Variants in ERBB4 observed in about 807,000 individuals in gnomAD.
ERBB4 encodes the protein receptor tyrosine-protein kinase erbB-4.
ERBB4 carries 42 observed loss-of-function variants against 158.0 expected under a neutral mutation model. That is an observed-to-expected ratio of 0.27 (90% CI 0.21 to 0.34). The LOEUF is 0.34. ERBB4 is among the 10% of genes least tolerant of loss of function. The pLI is 1.00. For missense variants in ERBB4, 1,333 were observed against 1,624.1 expected (o/e 0.82, Z 3.08); for synonymous variants, 583 against 558.7 (o/e 1.04, Z -0.61).
At chr2:212,252,033 T>C (rs1340266085) in intron 1 of ERBB4, among the ~76,000 whole-genome samples, 1 of 152,006 alleles carries the variant, frequency 6.6e-6, no homozygotes, top group East Asian at 1.9e-4. Flanking sequence ...GGTTGGATTC[T>C]AGATATATTT....
intron 1 of ERBB4, among the ~76,000 whole-genome samples, chr2:212,172,464 C>T (rs551040360): frequency 9.2e-5 from 14 of 152,194 alleles, no homozygotes; most frequent in South Asian, 2.1e-4. Flanking sequence ...CACATGCATG[C>T]GTATGTTCAT....
chr2:212,022,173 C>A (rs2076668036), intron 2 of ERBB4, among the ~76,000 whole-genome samples: 1 of 152,048 alleles, frequency 6.6e-6, no homozygotes, highest in African/African-American at 2.4e-5. Flanking sequence ...TCAGCAATTC[C>A]ATTACTGGGA....
At chr2:212,188,567 G>C (rs1341908791) in intron 1 of ERBB4, among the ~76,000 whole-genome samples, 1 of 151,504 alleles carries the variant, frequency 6.6e-6, no homozygotes, top group African/African-American at 2.4e-5. Flanking sequence ...AGTAAACTTG[G>C]CCTTTAATGC....
At position 211,444,832 on chromosome 2, in the gene ERBB4, A is replaced by C. The variant is rs73985443; in HGVS notation, c.2488-13732T>G. 8.4e-3 allele frequency among the ~76,000 whole-genome samples: 1,286 copies of C among 152,202 alleles called. 13 individuals are homozygous for C. The highest frequency in any genetic ancestry group is 0.03 in the African/African-American group (1,238 of 41,554). Reference sequence around the variant, plus strand: ...TCTGCTGTGAGATACATACATGGACACAGATTACGTAAATGATGTGTTCAG... The same window carrying C: ...TCTGCTGTGAGATACATACATGGACCCAGATTACGTAAATGATGTGTTCAG... On this transcript the variant is annotated intron_variant, in intron 20 of 27. Coordinates refer to ENST00000342788, the MANE Select transcript of ERBB4 (RefSeq NM_005235.3).
intron 20 of ERBB4, among the ~76,000 whole-genome samples, chr2:211,468,500 C>T (rs941876310): frequency 6.6e-6 from 1 of 152,026 alleles, no homozygotes; most frequent in Non-Finnish European, 1.5e-5. Context: ...TATAGGAAAC[C>T]TATATAAAAA....
intron 1 of ERBB4, among the ~76,000 whole-genome samples, chr2:212,253,290 C>T (rs540451471): frequency 2.6e-5 from 4 of 152,140 alleles, no homozygotes; most frequent in South Asian, 2.1e-4. Context: ...GGGATTGAAG[C>T]TGTAACTACA....
At chr2:212,451,058 T>G (rs1413702450) in intron 1 of ERBB4, among the ~76,000 whole-genome samples, 1 of 152,152 alleles carries the variant, frequency 6.6e-6, no homozygotes. Flanking sequence ...GACTATATAC[T>G]AGGCTCCCTA....
intron 20 of ERBB4, among the ~76,000 whole-genome samples, chr2:211,464,127 T>G (rs2064610953): frequency 1.3e-5 from 2 of 152,136 alleles, no homozygotes. Context: ...CTCCCTTTCT[T>G]TGATTTAATT....
At chr2:211,678,348 C>T (rs2072183606) in intron 13 of ERBB4, among the ~76,000 whole-genome samples, 1 of 149,144 alleles carries the variant, frequency 6.7e-6, no homozygotes, top group Non-Finnish European at 1.5e-5. Flanking sequence ...AACTTGCACT[C>T]CAGATGAAAT....
At chr2:211,861,350 G>GTTTTTTTTTTTT (rs67133944) in intron 3 of ERBB4, among the ~76,000 whole-genome samples, 20 of 88,938 alleles carry the variant, frequency 2.2e-4, no homozygotes, top group East Asian at 3.5e-4. Flanking sequence ...TTTTTTTTTT[G>GTTTTTTTTTTTT]TTTTTTTTTT....
Position 212,227,244 on chromosome 2 carries a change from CAAA to C in ERBB4, c.83-102344_83-102342del, listed in dbSNP as rs57150566. ...TGGGCGACAGAATGAGACTCCACCT[CAAA>C]AAAAAAAAAAAAATCATATAGTAAA... On this transcript the variant is annotated intron_variant, in intron 1 of 27. Coordinates refer to ENST00000342788, the MANE Select transcript of ERBB4 (RefSeq NM_005235.3). Among the ~76,000 whole-genome samples, 1,147 of 137,136 alleles carry C rather than the reference CAAA, an allele frequency of 8.4e-3. 7 individuals carry two copies. The highest frequency in any genetic ancestry group is 0.021 in the Middle Eastern group (6 of 286). The allele number at this position is 137,136 out of a possible 152,430, so 90.0% of individuals were successfully genotyped here.
At chr2:212,168,214 G>T (rs2081408877) in intron 1 of ERBB4, among the ~76,000 whole-genome samples, 1 of 151,670 alleles carries the variant, frequency 6.6e-6, no homozygotes, top group Non-Finnish European at 1.5e-5. Flanking sequence ...TTTCCTTTTT[G>T]CATTCCTAAA....
intron 1 of ERBB4, among the ~76,000 whole-genome samples, chr2:212,183,014 A>G (rs1046604874): frequency 6.6e-6 from 1 of 151,828 alleles, no homozygotes; most frequent in Non-Finnish European, 1.5e-5. Context: ...TAATATAGAT[A>G]AAACCCAAAG....
At chr2:211,627,079 C>A (rs1574882805) in intron 17 of ERBB4, among the ~76,000 whole-genome samples, 1 of 152,238 alleles carries the variant, frequency 6.6e-6, no homozygotes, top group East Asian at 1.9e-4. Context: ...CGGCAATGAG[C>A]CTTCCCTGTG....
Position 212,286,609 on chromosome 2 carries a change from T to TTG in ERBB4, c.83-161707_83-161706insCA, listed in dbSNP as rs1474167506. On this transcript the variant is annotated intron_variant, in intron 1 of 27. Transcript: ENST00000342788. ...TAAGTGCTGACTTTTTTTTTTTTTT[T>TTG]TTTTTTTTTTTGACACAGAGTCTCG... 1.4e-3 allele frequency among the ~76,000 whole-genome samples: 83 copies of TTG among 60,872 alleles called. 3 individuals are homozygous for TTG. The highest frequency in any genetic ancestry group is 2.8e-3 in the Non-Finnish European group (61 of 22,104). The allele number at this position is 60,872 out of a possible 152,430, so 39.9% of individuals were successfully genotyped here.
chr2:211,944,176 A>ATATATATATAGT (rs1559154416), intron 3 of ERBB4, among the ~76,000 whole-genome samples: 1 of 16,292 alleles, frequency 6.1e-5, no homozygotes, highest in Admixed American at 8.9e-4. Context: ...ATATATATAT[A>ATATATATATAGT]CTATATATAT....
intron 1 of ERBB4, among the ~76,000 whole-genome samples, chr2:212,306,832 T>G (rs2086829402): frequency 6.6e-6 from 1 of 151,312 alleles, no homozygotes; most frequent in Non-Finnish European, 1.5e-5. Flanking sequence ...CCAAAGTTAT[T>G]TGACACTTAG....
chr2:211,658,221 A>G (rs918466371), intron 15 of ERBB4, among the ~76,000 whole-genome samples: 1 of 152,236 alleles, frequency 6.6e-6, no homozygotes, highest in African/African-American at 2.4e-5. Flanking sequence ...GAAATTTTAC[A>G]CTGGTTCTGT....
Position 211,984,538 on chromosome 2 carries a change from T to C in ERBB4, c.235-36922A>G, listed in dbSNP as rs181214847. Among the ~76,000 whole-genome samples the C allele has an allele frequency of 3.6e-3, 541 of 152,264 alleles. 13 individuals are homozygous for C. Among genetic ancestry groups the C allele is most frequent in the Admixed American group, 0.031 (469 of 15,282 alleles). On this transcript the variant is annotated intron_variant, in intron 2 of 27. Coordinates refer to ENST00000342788, the MANE Select transcript of ERBB4 (RefSeq NM_005235.3). ...GCTGTCATGTGTACATGTGCCCGTG[T>C]CTTTAATTAGATTATGAATTGCTGA...
Sources: gnomAD v4.1 joint callset for allele counts (sites outside exome capture counted in the v4.1 genomes callset) on GRCh38, gnomAD v4.1.1 for gene constraint, MANE v1.5 for transcripts, NCBI Gene and HGNC (gene_info 2026-07-23, HGNC 2026-07-21) for gene names.